CHST9: variants seen among roughly 807,000 people sequenced by gnomAD.
CHST9 encodes the protein GalNAc-4-sulfotransferase 2.
A neutral mutation model predicts 44.4 loss-of-function variants in CHST9; 41 were observed. The observed-to-expected ratio is 0.92, with a 90% CI of 0.72 to 1.20. The LOEUF is 1.20. Among genes scored for constraint, CHST9 ranks in the 50% most tolerant of loss-of-function variants. The probability of loss-of-function intolerance (pLI) is 0.00; values close to 1 mark genes in which losing one functional copy is unlikely to be tolerated. For synonymous variants in CHST9, 171 were observed against 178.4 expected, an observed-to-expected ratio of 0.96 and a Z score of 0.33; for missense variants, 504 against 516.5, an observed-to-expected ratio of 0.98 and a Z score of 0.23.
intron 2 of CHST9, among the ~76,000 whole-genome samples, chr18:27,097,084 A>C (rs2058124325): frequency 6.6e-6 from 1 of 152,154 alleles, no homozygotes; most frequent in South Asian, 2.1e-4. Context: ...TACCATGATC[A>C]AATAGGCTTC....
chr18:27,015,089 A>G (rs1280127295), intron 4 of CHST9, among the ~76,000 whole-genome samples: 2 of 152,102 alleles, frequency 1.3e-5, no homozygotes, highest in Non-Finnish European at 2.9e-5. Context: ...GGTTTTAGTT[A>G]TGGTCATTTG....
intron 5 of CHST9, chr18:26,933,113 G>A (rs972783437): frequency 4.6e-5 from 7 of 153,798 alleles, no homozygotes; most frequent in Non-Finnish European, 7.3e-5. Context: ...AAAAGAACCT[G>A]TGAGCCAACG....
At chr18:27,121,084 C>T (rs752655103) in intron 2 of CHST9, among the ~76,000 whole-genome samples, 17 of 152,182 alleles carry the variant, frequency 1.1e-4, no homozygotes, top group Non-Finnish European at 2.4e-4. Flanking sequence ...TCACTGAAGC[C>T]TTGACCTTCC....
At chr18:26,987,940 T>C (rs1303218565) in intron 4 of CHST9, among the ~76,000 whole-genome samples, 1 of 152,204 alleles carries the variant, frequency 6.6e-6, no homozygotes, top group African/African-American at 2.4e-5. Flanking sequence ...AAATAAATTC[T>C]ATTGTGTATA....
intron 4 of CHST9, among the ~76,000 whole-genome samples, chr18:26,970,582 C>A (rs558473355): frequency 6.6e-6 from 1 of 152,186 alleles, no homozygotes; most frequent in Non-Finnish European, 1.5e-5. Context: ...TCACATGCCA[C>A]CACACCTGGC....
intron 4 of CHST9, among the ~76,000 whole-genome samples, chr18:26,967,322 AG>A (rs1338258271): frequency 6.6e-6 from 1 of 152,188 alleles, no homozygotes; most frequent in Non-Finnish European, 1.5e-5. Flanking sequence ...TTGCATTTAC[AG>A]GGATATTTAT....
intron 3 of CHST9, among the ~76,000 whole-genome samples, chr18:27,042,393 G>A (rs891444620): frequency 6.6e-6 from 1 of 152,038 alleles, no homozygotes; most frequent in African/African-American, 2.4e-5. Context: ...GGTTTGTAGT[G>A]TTTGCCAATC....
chr18:26,925,119 G>A (rs1477349901), intron 5 of CHST9, among the ~76,000 whole-genome samples: 1 of 151,976 alleles, frequency 6.6e-6, no homozygotes, highest in Non-Finnish European at 1.5e-5. Flanking sequence ...GAAAAAACTT[G>A]GTGCATTAAA....
intron 2 of CHST9, among the ~76,000 whole-genome samples, chr18:27,080,269 T>C (rs2057947272): frequency 6.6e-6 from 1 of 151,984 alleles, no homozygotes; most frequent in Non-Finnish European, 1.5e-5. Flanking sequence ...TCAACCTGCG[T>C]ATCTCCACAA....
At chr18:27,145,826 G>A (rs1043571100) in intron 1 of CHST9, among the ~76,000 whole-genome samples, 1 of 152,182 alleles carries the variant, frequency 6.6e-6, no homozygotes, top group African/African-American at 2.4e-5. Flanking sequence ...GCAATTTGAG[G>A]TGTTCCAAAT....
At chr18:26,961,406 T>C (rs2056398203) in intron 4 of CHST9, among the ~76,000 whole-genome samples, 1 of 152,136 alleles carries the variant, frequency 6.6e-6, no homozygotes, top group South Asian at 2.1e-4. Context: ...AAGAGTTACT[T>C]TTAATTTAAG....
chr18:27,120,211 A>G (rs1378328328), intron 2 of CHST9, among the ~76,000 whole-genome samples: 2 of 152,224 alleles, frequency 1.3e-5, no homozygotes, highest in African/African-American at 4.8e-5. Flanking sequence ...TCAATTGCCT[A>G]CATTACGAGT....
At chr18:27,122,443 G>T (rs1173613174) in intron 2 of CHST9, among the ~76,000 whole-genome samples, 2 of 152,146 alleles carry the variant, frequency 1.3e-5, no homozygotes, top group Admixed American at 1.3e-4. Flanking sequence ...AACATTAAAA[G>T]TTAATGAAAA....
intron 5 of CHST9, among the ~76,000 whole-genome samples, chr18:26,927,945 C>T (rs1199173237): frequency 3.3e-5 from 5 of 152,018 alleles, no homozygotes; most frequent in South Asian, 2.1e-4. Context: ...TGCCGCCTTC[C>T]GTGGTGTTTT....
intron 2 of CHST9, among the ~76,000 whole-genome samples, chr18:27,073,814 T>C (rs2057869631): frequency 2.0e-5 from 3 of 152,138 alleles, no homozygotes; most frequent in Admixed American, 2.0e-4. Context: ...TTTGTGACTA[T>C]TTATATATAT....
chr18:27,128,474 T>C (rs2058444366), intron 2 of CHST9, among the ~76,000 whole-genome samples: 1 of 152,090 alleles, frequency 6.6e-6, no homozygotes, highest in Non-Finnish European at 1.5e-5. Context: ...TTCACCATAT[T>C]GGCCAGGCTG....
At chr18:26,918,669 A>G (rs1256643608) in intron 5 of CHST9, among the ~76,000 whole-genome samples, 1 of 152,162 alleles carries the variant, frequency 6.6e-6, no homozygotes, top group African/African-American at 2.4e-5. Context: ...CTTCAAGGAT[A>G]ATTAGTAATT....
chr18:26,920,611 A>C (rs2055632256), intron 5 of CHST9, among the ~76,000 whole-genome samples: 1 of 152,208 alleles, frequency 6.6e-6, no homozygotes, highest in East Asian at 1.9e-4. Context: ...GATGTTAAGG[A>C]AATAATTCTT....
At chr18:26,932,106 C>A (rs938767902) in intron 5 of CHST9, among the ~76,000 whole-genome samples, 3 of 152,136 alleles carry the variant, frequency 2.0e-5, no homozygotes, top group African/African-American at 7.2e-5. Flanking sequence ...CATCATCCCA[C>A]CTTTGGTTGC....
Sources: allele counts gnomAD v4.1 joint callset (sites outside exome capture counted in the v4.1 genomes callset), GRCh38; gene constraint gnomAD v4.1.1; transcripts MANE v1.5; gene names NCBI Gene and HGNC (gene_info 2026-07-23, HGNC 2026-07-21).